The following RAD54L2 variants were observed in gnomAD, a reference collection of about 807,000 sequenced individuals.
The protein encoded by RAD54L2 is RAD54 like 2.
RAD54L2 carries 27 observed loss-of-function variants against 138.4 expected under a neutral mutation model. That is an observed-to-expected ratio of 0.20 (90% CI 0.14 to 0.27). The LOEUF is 0.27. Among genes scored for constraint, RAD54L2 ranks in the 10% least tolerant of loss-of-function variants. The probability of loss-of-function intolerance (pLI) is 1.00; values close to 1 mark genes in which losing one functional copy is unlikely to be tolerated. For missense variants in RAD54L2, 1,396 were observed against 1,890.2 expected (o/e 0.74, Z 4.85); for synonymous variants, 644 against 723.2 (o/e 0.89, Z 1.76).
intron 2 of RAD54L2, among the ~76,000 whole-genome samples, chr3:51,580,394 G>A (rs979582861): frequency 6.6e-6 from 1 of 152,170 alleles, no homozygotes; most frequent in Non-Finnish European, 1.5e-5. Flanking sequence ...CAACCTGGAA[G>A]TGCTCTAAAT....
intron 19 of RAD54L2, among the ~76,000 whole-genome samples, chr3:51,650,007 C>T (rs2106833790): frequency 6.6e-6 from 1 of 152,290 alleles, no homozygotes; most frequent in Non-Finnish European, 1.5e-5. Flanking sequence ...GATAAAGAGT[C>T]AACACCCATC....
At chr3:51,600,005 T>G (rs1421494249) in intron 3 of RAD54L2, among the ~76,000 whole-genome samples, 3 of 151,972 alleles carry the variant, frequency 2.0e-5, no homozygotes, top group Non-Finnish European at 4.4e-5. Flanking sequence ...CTCGGATCAC[T>G]GCAACCTCCA....
chr3:51,583,425 T>A (rs926970771), intron 2 of RAD54L2, among the ~76,000 whole-genome samples: 5 of 151,536 alleles, frequency 3.3e-5, no homozygotes, highest in African/African-American at 9.7e-5. Flanking sequence ...GCTTCTTTTT[T>A]TTTATTTTTT....
chr3:51,594,219 A>G (rs1379411973), intron 3 of RAD54L2, among the ~76,000 whole-genome samples: 3 of 151,912 alleles, frequency 2.0e-5, no homozygotes, highest in African/African-American at 4.8e-5. Flanking sequence ...AATTACAGGC[A>G]TGCACCACTA....
Position 51,557,786 on chromosome 3 carries a change from C to T in RAD54L2, c.-55+16136C>T, listed in dbSNP as rs185604639. Among the ~76,000 whole-genome samples, 682 of 141,936 alleles carry T rather than the reference C, an allele frequency of 4.8e-3. 9 individuals carry two copies. The highest frequency in any genetic ancestry group is 0.015 in the African/African-American group (569 of 38,018). The allele number at this position is 141,936 out of a possible 152,430, so 93.1% of individuals were successfully genotyped here. On this transcript the variant is annotated intron_variant, in intron 2 of 22. Transcript: ENST00000684192. ...TGGAGGTTGCAGTGAGCCGAGATTG[C>T]GCCACTGCACTTCAGCCTGGGTAAC... is the stretch of plus-strand genomic sequence containing the variant.
chr3:51,568,671 T>C (rs1054358046), intron 2 of RAD54L2, among the ~76,000 whole-genome samples: 6 of 152,172 alleles, frequency 3.9e-5, no homozygotes, highest in African/African-American at 1.2e-4. Context: ...CAGACCTACA[T>C]GGTACTCTTA....
In RAD54L2 at chr3:51,662,607, C is replaced by T. The variant is rs1701808917; in HGVS notation, c.3591C>T (p.Ser1197=). The T allele has an allele frequency of 6.2e-7, 1 of 1,612,752 alleles. No individual in the cohort carries two copies. The highest frequency in any genetic ancestry group is 1.3e-5 in the African/African-American group (1 of 74,928). The part of the protein sequence containing the change: ...AARESRQSSP[S]TNAALPGPPA... ...GGGAATCCCGTCAGAGCTCCCCAAG[C>T]ACCAATGCCGCCCTGCCTGGCCCCC... The change falls in exon 23 of 23, where the codon AGC becomes AGT. Residue 1197 remains serine, a synonymous_variant. Coordinates refer to ENST00000684192, the MANE Select transcript of RAD54L2 (RefSeq NM_015106.4). The surrounding 1 kb of genome is among the most constrained non-coding windows in gnomAD (Gnocchi z 4.6).
At chr3:51,624,303 C>T (rs1340831149) in intron 3 of RAD54L2, among the ~76,000 whole-genome samples, 1 of 148,134 alleles carries the variant, frequency 6.8e-6, no homozygotes, top group African/African-American at 2.5e-5. Context: ...GTGGCGTGGT[C>T]ATGGCTCACT....
chr3:51,663,309 C>A lies in RAD54L2; in HGVS notation c.4293C>A (p.Leu1431=). 1 of 1,613,956 alleles carries A rather than the reference C, an allele frequency of 6.2e-7. No individual in the cohort carries two copies. The highest frequency in any genetic ancestry group is 8.5e-7 in the Non-Finnish European group (1 of 1,179,892). ...SPHAGYPAGG[L]LRSQVPPFDS... ...ATGCAGGCTACCCAGCTGGTGGCCT[C>A]CTACGGTCCCAGGTGCCTCCATTTG... Residue 1431 remains leucine (L), a synonymous_variant, in exon 23 of 23, where the codon CTC becomes CTA. Transcript: ENST00000684192.
intron 19 of RAD54L2, among the ~76,000 whole-genome samples, chr3:51,651,058 AAG>A (rs1220182333): frequency 2.0e-5 from 3 of 152,208 alleles, no homozygotes; most frequent in East Asian, 1.9e-4. Context: ...GAAAGAAGAA[AAG>A]AGAGAAGAAT....
chr3:51,605,886 G>A (rs1275616349), intron 3 of RAD54L2, among the ~76,000 whole-genome samples: 1 of 152,292 alleles, frequency 6.6e-6, no homozygotes, highest in African/African-American at 2.4e-5. Flanking sequence ...GTAATGTTGG[G>A]CACACTGGAA....
At chr3:51,549,941 CATGGTCCACA>C (rs1698796894) in intron 2 of RAD54L2, among the ~76,000 whole-genome samples, 1 of 152,114 alleles carries the variant, frequency 6.6e-6, no homozygotes, top group Non-Finnish European at 1.5e-5. Flanking sequence ...TCTGGTTGGT[CATGGTCCACA>C]ATTCCAGTAT....
intron 1 of RAD54L2, among the ~76,000 whole-genome samples, chr3:51,539,726 C>T (rs1332081328): frequency 1.3e-5 from 2 of 152,078 alleles, no homozygotes; most frequent in African/African-American, 4.8e-5. Context: ...GGAAACTTTG[C>T]AGAGTGGGCT....
chr3:51,578,456 A>G (rs1699531395), intron 2 of RAD54L2, among the ~76,000 whole-genome samples: 1 of 152,180 alleles, frequency 6.6e-6, no homozygotes, highest in Non-Finnish European at 1.5e-5. Flanking sequence ...GGGAGAGGAG[A>G]TAGACTGCTG....
At position 51,637,576 on chromosome 3, in the gene RAD54L2, A is replaced by G. The variant is rs949591522; in HGVS notation, c.1682+73A>G. Reference sequence around the variant, plus strand: ...TTGCCAAGGGCATGCCAAACCTGTTATACAGGATAGGGTGTTGGAGTAGGA... The same window carrying G: ...TTGCCAAGGGCATGCCAAACCTGTTGTACAGGATAGGGTGTTGGAGTAGGA... On this transcript the variant is annotated intron_variant, in intron 11 of 22. Coordinates refer to ENST00000684192, the MANE Select transcript of RAD54L2 (RefSeq NM_015106.4). This position sits in a 1 kb window ranked among gnomAD's most constrained non-coding sequence, Gnocchi z 5.9. 3 of 1,440,458 alleles carry G rather than the reference A, an allele frequency of 2.1e-6. No individual in the cohort carries two copies. Among genetic ancestry groups the G allele is most frequent in the Non-Finnish European group, 2.8e-6 (3 of 1,063,498 alleles). 89.2% of individuals were successfully genotyped at this position (1,440,458 alleles called of 1,614,324 possible). A position where few individuals can be genotyped will look rare whatever the true frequency, so the allele number is the denominator to read the frequency against.
At chr3:51,538,952 G>C (rs1698481884) in intron 1 of RAD54L2, among the ~76,000 whole-genome samples, 37 bp downstream of exon 1, 6 of 152,294 alleles carry the variant, frequency 3.9e-5, no homozygotes, top group Admixed American at 3.9e-4. Flanking sequence ...TCCCGGCCGG[G>C]GCCGCCGGGT....
intron 1 of RAD54L2, among the ~76,000 whole-genome samples, chr3:51,539,780 C>T (rs1577375041): frequency 1.3e-5 from 2 of 152,046 alleles, no homozygotes; most frequent in South Asian, 4.1e-4. Flanking sequence ...GTGGGTGACT[C>T]AGATCTGTTA....
intron 2 of RAD54L2, among the ~76,000 whole-genome samples, chr3:51,543,004 C>T (rs1553671582): frequency 6.6e-6 from 1 of 152,130 alleles, no homozygotes; most frequent in Non-Finnish European, 1.5e-5. Context: ...TCTGCTGGCA[C>T]CAGAGACCTG....
At chr3:51,622,838 G>A (rs2106782350) in intron 3 of RAD54L2, among the ~76,000 whole-genome samples, 1 of 152,290 alleles carries the variant, frequency 6.6e-6, no homozygotes, top group Non-Finnish European at 1.5e-5. Flanking sequence ...GTGGTTGTTG[G>A]GTTGGAAGGT....
Sources: allele counts gnomAD v4.1 joint callset (sites outside exome capture counted in the v4.1 genomes callset), GRCh38; gene constraint gnomAD v4.1.1; non-coding constraint Gnocchi (gnomAD v3.1); transcripts MANE v1.5; gene names NCBI Gene and HGNC (gene_info 2026-07-23, HGNC 2026-07-21).